Variants in ATG7 observed in about 807,000 individuals in gnomAD.
ATG7 encodes ubiquitin-like modifier-activating enzyme ATG7.
ATG7 carries 70 observed loss-of-function variants against 82.4 expected under a neutral mutation model. That is an observed-to-expected ratio of 0.85 (90% CI 0.70 to 1.04). ATG7 has a LOEUF of 1.04. ATG7 is among the 50% of genes least tolerant of loss of function. The pLI is 0.00. For missense variants in ATG7, 792 were observed against 864.3 expected (o/e 0.92, Z 1.05); for synonymous variants, 287 against 313.0 (o/e 0.92, Z 0.88).
Position 11,347,907 on chromosome 3 carries a change from G to C in ATG7, c.1156G>C (p.Asp386His). ...GWGVRHITFV[D>H]NAKISYSNPV... Reference sequence around the variant, plus strand: ...GGGCGTGAGACACATCACATTTGTGGACAATGCCAAGATCTCCTACTCCAA... The same window carrying C: ...GGGCGTGAGACACATCACATTTGTGCACAATGCCAAGATCTCCTACTCCAA... The change falls in exon 14 of 21, where the codon GAC (aspartate) becomes CAC (histidine). Residue 386 changes from aspartate to histidine, a missense_variant. Physicochemically the swap from Asp to His is moderately conservative, Grantham distance 81. Coordinates refer to ENST00000693202, the MANE Select transcript of ATG7 (RefSeq NM_001349232.2). The C allele has an allele frequency of 1.9e-6, 3 of 1,614,106 alleles. No homozygotes were observed. The highest frequency in any genetic ancestry group is 2.5e-6 in the Non-Finnish European group (3 of 1,179,996).
At chr3:11,455,166 T>A (rs571527389) in intron 20 of ATG7, among the ~76,000 whole-genome samples, 2 of 152,346 alleles carry the variant, frequency 1.3e-5, no homozygotes, top group East Asian at 3.9e-4. Context: ...AACTGGAATT[T>A]ACTGGGCCTA....
chr3:11,381,603 T>G (rs924486982), intron 19 of ATG7, among the ~76,000 whole-genome samples: 1 of 152,234 alleles, frequency 6.6e-6, no homozygotes, highest in African/African-American at 2.4e-5. Context: ...CTTTCACACT[T>G]ATTGTAAGCT....
chr3:11,427,734 G>A (rs2082493216), intron 20 of ATG7, among the ~76,000 whole-genome samples: 1 of 151,022 alleles, frequency 6.6e-6, no homozygotes, highest in Admixed American at 6.6e-5. Flanking sequence ...AGAATTGCTT[G>A]AATCCTGGAG....
In ATG7 at chr3:11,423,842, G is replaced by A. The variant is rs151013239; in HGVS notation, c.1957-2962G>A. Among the ~76,000 whole-genome samples, 19 of 152,144 alleles carry A rather than the reference G, an allele frequency of 1.2e-4. No individual in the cohort carries two copies. The East Asian group carries it at 3.5e-3, about 28-fold the overall frequency. On this transcript the variant is annotated intron_variant, in intron 19 of 20. Coordinates refer to ENST00000693202, the MANE Select transcript of ATG7 (RefSeq NM_001349232.2). The stretch of plus-strand genomic sequence containing the variant: ...TCAGTTTCTCTGACCTTAACCTTTT[G>A]ATCCTTATTCTGCCAGTCCCTTGGC...
intron 5 of ATG7, among the ~76,000 whole-genome samples, 200 bp from the exon 6 acceptor site, chr3:11,306,743 A>G (rs559737330): frequency 1.4e-4 from 21 of 152,316 alleles, no homozygotes; most frequent in Admixed American, 9.8e-4. Context: ...TAGGGAATAT[A>G]TAGGCTTTTA....
chr3:11,289,866 TTC>T (rs1011207747), intron 3 of ATG7, among the ~76,000 whole-genome samples: 1 of 152,220 alleles, frequency 6.6e-6, no homozygotes, highest in African/African-American at 2.4e-5. Flanking sequence ...GGCCTTTTTT[TTC>T]TCTCTCTGTA....
chr3:11,417,805 A>ATTATTTTTTTTTTTTTTTTTTTT, intron 19 of ATG7, among the ~76,000 whole-genome samples: 1 of 52,742 alleles, frequency 1.9e-5, no homozygotes, highest in Non-Finnish European at 4.3e-5. Flanking sequence ...TTATTATTTT[A>ATTATTTTTTTTTTTTTTTTTTTT]TTTTATTTTA....
At chr3:11,434,969 AATGAGAGGATTGAATCAT>A (rs1460017637) in intron 20 of ATG7, among the ~76,000 whole-genome samples, 29 of 152,196 alleles carry the variant, frequency 1.9e-4, no homozygotes, top group African/African-American at 7.0e-4. Flanking sequence ...CCCCACTTAA[AATGAGAGGATTGAATCAT>A]GTGAAATTCT....
At chr3:11,559,549 G>A (rs1187761157), downstream of ATG7, 2 of 1,414,576 alleles carry the variant, frequency 1.4e-6, no homozygotes, top group African/African-American at 2.9e-5. Flanking sequence ...GCTCTGTCCT[G>A]GTGCCCTTCC....
rs1946437850 is a variant in ATG7, at chr3:11,299,394, T to C, written c.193T>C (p.Leu65=). The C allele has an allele frequency of 1.9e-6, 3 of 1,612,624 alleles. No individual in the cohort carries two copies. In the East Asian group the frequency reaches 6.7e-5, roughly 36 times the overall value. ...DSAGLPARLT[L]EFSAFDMSAP... ...TGCTGGGCTGCCAGCTCGCTTAACA[T>C]TGGAGTTCAGTGCTTTTGACATGTG... The change falls in exon 5 of 21, where the codon TTG becomes CTG. Residue 65 remains leucine, a synonymous_variant. Coordinates refer to ENST00000693202, the MANE Select transcript of ATG7 (RefSeq NM_001349232.2).
the ATG7 span, among the ~76,000 whole-genome samples, chr3:11,566,221 C>T: frequency 2.6e-5 from 4 of 151,838 alleles, no homozygotes; most frequent in Non-Finnish European, 4.4e-5. Context: ...ATGTTACACA[C>T]ACGCACACCA....
chr3:11,412,270 T>A (rs1169566111), intron 19 of ATG7, among the ~76,000 whole-genome samples: 1 of 151,884 alleles, frequency 6.6e-6, no homozygotes, highest in Non-Finnish European at 1.5e-5. Context: ...TCTTTTTTTT[T>A]TTTTTTTTAG....
At chr3:11,464,125 A>G (rs1358576226) in intron 20 of ATG7, among the ~76,000 whole-genome samples, 1 of 152,166 alleles carries the variant, frequency 6.6e-6, no homozygotes, top group Non-Finnish European at 1.5e-5. Context: ...TAATCCCAGC[A>G]CTTTGGGAGG....
chr3:11,563,778 G>A, the ATG7 span, among the ~76,000 whole-genome samples: 22 of 152,306 alleles, frequency 1.4e-4, no homozygotes, highest in South Asian at 4.4e-3. Flanking sequence ...TTAAATGGAT[G>A]AATCAAACAA....
intron 19 of ATG7, among the ~76,000 whole-genome samples, chr3:11,415,416 C>G (rs2081286554): frequency 6.6e-6 from 1 of 152,042 alleles, no homozygotes; most frequent in Admixed American, 6.5e-5. Flanking sequence ...TTACTGTAAC[C>G]TTTTTCACTT....
intron 20 of ATG7, among the ~76,000 whole-genome samples, chr3:11,457,173 T>A (rs2085816709): frequency 6.6e-6 from 1 of 152,202 alleles, no homozygotes; most frequent in Non-Finnish European, 1.5e-5. Flanking sequence ...AGCGGAAAGA[T>A]GCCAGGTTTA....
intron 20 of ATG7, among the ~76,000 whole-genome samples, chr3:11,511,478 G>A (rs1164363279): frequency 6.6e-6 from 1 of 152,242 alleles, no homozygotes; most frequent in African/African-American, 2.4e-5. Flanking sequence ...TAATCCCTGA[G>A]CTAGATATAA....
intron 20 of ATG7, among the ~76,000 whole-genome samples, chr3:11,485,679 A>G (rs570037996): frequency 6.6e-6 from 1 of 152,170 alleles, no homozygotes. Flanking sequence ...TTTTAGGTCT[A>G]ACATTTAAGT....
rs200661669 is a variant in ATG7 at position 11,348,004 on chromosome 3, C to G, written c.1253C>G (p.Ala418Gly). ...GGTAAGCCCAAGGCTCTGGCAGCAG[C>G]GGACCGGCTCCAGAAAATATTCCCC... ...GGGKPKALAA[A>G]DRLQKIFPGV... The change falls in exon 14 of 21, where the codon GCG becomes GGG. Residue 418 changes from alanine (A) to glycine (G), a missense_variant. Physicochemically the swap from Ala to Gly is moderately conservative, Grantham distance 60. Transcript: ENST00000693202. The G allele has an allele frequency of 6.2e-7, 1 of 1,613,838 alleles. No homozygotes were observed. Among genetic ancestry groups the G allele is most frequent in the Admixed American group, 1.7e-5 (1 of 59,974 alleles).
Sources: gnomAD v4.1 joint callset for allele counts (sites outside exome capture counted in the v4.1 genomes callset) on GRCh38, gnomAD v4.1.1 for gene constraint, MANE v1.5 for transcripts, NCBI Gene and HGNC (gene_info 2026-07-23, HGNC 2026-07-21) for gene names.